The following FMN2 variants were observed in gnomAD, a reference collection of about 807,000 sequenced individuals.
FMN2 encodes formin-2.
A neutral mutation model predicts 142.3 loss-of-function variants in FMN2; 51 were observed. The ratio of observed to expected loss-of-function variants is 0.36; its 90% confidence interval spans 0.29 to 0.45. FMN2 has a LOEUF of 0.45. Among genes scored for constraint, FMN2 ranks in the 20% least tolerant of loss-of-function variants. FMN2 has a pLI of 1.00. For missense variants in FMN2, 1,936 were observed against 2,122.8 expected (o/e 0.91, Z 1.73); for synonymous variants, 882 against 869.8 (o/e 1.01, Z -0.25).
chr1:240,221,290 C>T (rs1667101575), intron 6 of FMN2, among the ~76,000 whole-genome samples: 1 of 152,110 alleles, frequency 6.6e-6, no homozygotes. Context: ...GAGGAATCAC[C>T]ACACTGTCTT....
At chr1:240,292,513 C>G (rs1468956952) in intron 7 of FMN2, among the ~76,000 whole-genome samples, 5 of 152,130 alleles carry the variant, frequency 3.3e-5, no homozygotes, top group African/African-American at 4.8e-5. Context: ...TTCTAGTATA[C>G]TAGTGTAATC....
At chr1:240,105,178 G>A (rs1014027710) in intron 1 of FMN2, among the ~76,000 whole-genome samples, 1 of 141,288 alleles carries the variant, frequency 7.1e-6, no homozygotes, top group Non-Finnish European at 1.5e-5. Flanking sequence ...GCGTGATCTC[G>A]GCTGACTACA....
At chr1:240,315,768 G>A (rs1670762011) in intron 8 of FMN2, among the ~76,000 whole-genome samples, 1 of 152,080 alleles carries the variant, frequency 6.6e-6, no homozygotes, top group Non-Finnish European at 1.5e-5. Flanking sequence ...GTGAGTCAGT[G>A]GACCATAAAA....
intron 2 of FMN2, among the ~76,000 whole-genome samples, chr1:240,132,608 C>T (rs1362971058): frequency 1.3e-5 from 2 of 152,046 alleles, no homozygotes; most frequent in Non-Finnish European, 2.9e-5. Context: ...GAGAGAGGAC[C>T]ATGTGGTAAA....
chr1:240,403,425 G>C (rs1674052281), intron 15 of FMN2, among the ~76,000 whole-genome samples: 2 of 152,136 alleles, frequency 1.3e-5, no homozygotes, highest in Admixed American at 1.3e-4. Context: ...CCTGAGGTCA[G>C]GAATTCAAGA....
At chr1:240,451,900 A>G (rs1029675744) in intron 16 of FMN2, among the ~76,000 whole-genome samples, 5 of 152,074 alleles carry the variant, frequency 3.3e-5, no homozygotes, top group Admixed American at 6.5e-5. Context: ...AGTGGGCTGC[A>G]TTTACCATGA....
intron 16 of FMN2, among the ~76,000 whole-genome samples, chr1:240,467,901 AG>A (rs1676673127): frequency 6.6e-6 from 1 of 152,250 alleles, no homozygotes; most frequent in Admixed American, 6.5e-5. Context: ...TCCATCTAAA[AG>A]ATAATGCTAC....
At chr1:240,130,460 G>A (rs1298099222) in intron 2 of FMN2, among the ~76,000 whole-genome samples, 1 of 152,020 alleles carries the variant, frequency 6.6e-6, no homozygotes, top group Non-Finnish European at 1.5e-5. Flanking sequence ...ATGCTACCAC[G>A]CCCGGCTAAT....
chr1:240,403,340 A>G (rs577544666), intron 15 of FMN2, among the ~76,000 whole-genome samples: 50 of 152,346 alleles, frequency 3.3e-4, no homozygotes, highest in African/African-American at 1.1e-3. Context: ...TTTTATATAA[A>G]ACTTTAAAAA....
In FMN2 at chr1:240,188,275, T is replaced by C; in HGVS notation, c.1986+13T>C. 6 of 1,611,526 alleles carry C rather than the reference T, an allele frequency of 3.7e-6. No individual in the cohort carries two copies. The highest frequency in any genetic ancestry group is 5.1e-6 in the Non-Finnish European group (6 of 1,178,122). ...TGCTGTCCAGAAGGTAAGATGATCTTATTAGGATGTCAGATTCCCATCTGT... is the reference window on the plus strand; with the variant it reads ...TGCTGTCCAGAAGGTAAGATGATCTCATTAGGATGTCAGATTCCCATCTGT... On this transcript the variant is annotated intron_variant, in intron 4 of 17. Transcript: ENST00000319653.
At chr1:240,302,670 G>T (rs1188111696) in intron 8 of FMN2, among the ~76,000 whole-genome samples, 1 of 151,894 alleles carries the variant, frequency 6.6e-6, no homozygotes, top group Non-Finnish European at 1.5e-5. Context: ...AATATAATTA[G>T]TCCAGTAATT....
At chr1:240,451,983 A>G (rs1676064513) in intron 16 of FMN2, among the ~76,000 whole-genome samples, 1 of 152,072 alleles carries the variant, frequency 6.6e-6, no homozygotes, top group African/African-American at 2.4e-5. Context: ...CAAGGTCAGG[A>G]GATCGAGACC....
At chr1:240,142,724 A>T in intron 2 of FMN2, 1 of 1,610,712 alleles carries the variant, frequency 6.2e-7, no homozygotes, top group Non-Finnish European at 8.5e-7. Flanking sequence ...GAATGGGGGT[A>T]ACAGGAAGAA....
intron 15 of FMN2, among the ~76,000 whole-genome samples, chr1:240,412,378 T>C (rs1044600446): frequency 6.6e-6 from 1 of 152,160 alleles, no homozygotes; most frequent in Non-Finnish European, 1.5e-5. Flanking sequence ...GAGGATAAGC[T>C]ACTTTTATTA....
rs200267919 is a variant in FMN2 at position 240,294,871 on chromosome 1, T to G, written c.4203T>G (p.Ala1401=). ...TGGTTGACCTGGAGACCCTTCAAGCTCTCTATGAGAATGTGAGTAATAGAA... is the reference window on the plus strand; with the variant it reads ...TGGTTGACCTGGAGACCCTTCAAGCGCTCTATGAGAATGTGAGTAATAGAA... The part of the protein sequence containing the change: ...NSVVDLETLQ[A]LYENRAQSDE... Residue 1401 remains alanine, a synonymous_variant, in exon 8 of 18, where the codon GCT becomes GCG. Transcript: ENST00000319653. The G allele has an allele frequency of 6.2e-7, 1 of 1,613,732 alleles. No individual in the cohort carries two copies. The highest frequency in any genetic ancestry group is 2.2e-5 in the East Asian group (1 of 44,860).
rs747671756 is a variant in FMN2, at chr1:240,438,173, T to C, written c.5023T>C (p.Phe1675Leu). 3 of 1,613,996 alleles carry C rather than the reference T, an allele frequency of 1.9e-6. No homozygotes were observed. The highest frequency in any genetic ancestry group is 2.5e-6 in the Non-Finnish European group (3 of 1,179,958). The change falls in exon 16 of 18, where the codon TTC (phenylalanine) becomes CTC (leucine). Residue 1675 changes from phenylalanine to leucine, a missense_variant. Physicochemically the swap from Phe to Leu is conservative, Grantham distance 22. This residue lies in a region of FMN2 where 322 missense variants were observed against 401.6 expected (regional missense o/e 0.80). Transcript: ENST00000319653. ...WHEFSSDFKD[F>L]WKKENKLLLQ... ...TGAATTCAGCTCTGACTTTAAAGAC[T>C]TCTGGAAGAAAGAGAACAAACTTCT...
At chr1:240,184,423 A>G (rs1019198984) in intron 3 of FMN2, among the ~76,000 whole-genome samples, 4 of 148,826 alleles carry the variant, frequency 2.7e-5, no homozygotes, top group African/African-American at 9.9e-5. Flanking sequence ...TTTAGTAGAG[A>G]CGGGGTTTCA....
intron 4 of FMN2, among the ~76,000 whole-genome samples, chr1:240,198,177 G>A (rs1665986332): frequency 6.6e-6 from 1 of 152,072 alleles, no homozygotes; most frequent in African/African-American, 2.4e-5. Context: ...TTAAAGTATG[G>A]TCCAGTACCT....
At chr1:240,369,789 A>G (rs1188131103) in intron 14 of FMN2, among the ~76,000 whole-genome samples, 2 of 151,992 alleles carry the variant, frequency 1.3e-5, no homozygotes, top group African/African-American at 2.4e-5. Context: ...CTGTTTCTCC[A>G]TATGTTTGTT....
Sources: gnomAD v4.1 joint callset for allele counts (sites outside exome capture counted in the v4.1 genomes callset) on GRCh38, gnomAD v4.1.1 for gene constraint, gnomAD v4.1.1 regional missense constraint, MANE v1.5 for transcripts, NCBI Gene and HGNC (gene_info 2026-07-23, HGNC 2026-07-21) for gene names.